PIEZO1: variants seen among roughly 807,000 people sequenced by gnomAD.
PIEZO1 encodes the protein piezo type mechanosensitive ion channel component 1 (Er blood group).
A neutral mutation model predicts 297.2 loss-of-function variants in PIEZO1; 296 were observed. The ratio of observed to expected loss-of-function variants is 1.00; its 90% CI spans 0.91 to 1.10. The LOEUF (loss-of-function observed/expected upper bound fraction) is 1.10. PIEZO1 is among the 50% of genes least tolerant of loss of function. The pLI, the probability that PIEZO1 is intolerant of heterozygous loss-of-function variation, is 0.00. For synonymous variants in PIEZO1, 2,427 were observed against 1,507.5 expected (o/e 1.61, Z -14.13); for missense variants, 5,018 against 3,455.5 (o/e 1.45, Z -11.34).
At chr16:88,780,741 G>A (rs550381837) in intron 1 of PIEZO1, among the ~76,000 whole-genome samples, 5 of 152,286 alleles carry the variant, frequency 3.3e-5, no homozygotes, top group South Asian at 2.1e-4. Context: ...CGGGCAGATC[G>A]CTTAAGGTCA....
At position 88,733,273 on chromosome 16, in the gene PIEZO1, G is replaced by A. The variant is rs952528721; in HGVS notation, c.2664+5C>T. 73 of 1,537,022 alleles carry A rather than the reference G, an allele frequency of 4.7e-5. No homozygotes were observed. Among genetic ancestry groups the A allele is most frequent in the Admixed American group, 4.7e-4 (24 of 50,734 alleles). ...CCTCCCGTCCCAGCCCTCGGGGGCCGGTACCTCGGTGCAGTTGCTGGAATA... is the reference window on the plus strand; with the variant it reads ...CCTCCCGTCCCAGCCCTCGGGGGCCAGTACCTCGGTGCAGTTGCTGGAATA... On this transcript the variant is annotated splice_donor_5th_base_variant and intron_variant, in intron 19 of 50. Transcript: ENST00000301015.
chr16:88,724,720 C>T (rs926158366), intron 30 of PIEZO1, among the ~76,000 whole-genome samples: 1 of 152,144 alleles, frequency 6.6e-6, no homozygotes, highest in African/African-American at 2.4e-5. Flanking sequence ...CAGAATAACG[C>T]AGTGCTGCTG....
chr16:88,761,518 G>A (rs1906930836), intron 1 of PIEZO1, among the ~76,000 whole-genome samples: 1 of 152,212 alleles, frequency 6.6e-6, no homozygotes, highest in Admixed American at 6.5e-5. Context: ...CCATGGCAAT[G>A]GTTGTGCTTG....
intron 1 of PIEZO1, among the ~76,000 whole-genome samples, chr16:88,764,614 G>A (rs931817975): frequency 6.6e-6 from 1 of 151,926 alleles, no homozygotes; most frequent in Non-Finnish European, 1.5e-5. Context: ...AGCCGGGCAT[G>A]GTGGCACGTA....
At chr16:88,749,545 C>A in intron 1 of PIEZO1, 66 bp from the exon 2 acceptor site, 4 of 1,206,900 alleles carry the variant, frequency 3.3e-6, no homozygotes, top group Non-Finnish European at 4.6e-6. Flanking sequence ...CAGAGGACAG[C>A]GCACCCACGG....
chr16:88,736,747 T>TG lies in PIEZO1; in HGVS notation c.1196-9dup. ...CAGCCCGCTTGGGCCGCACTGCAGG[T>TG]GGGGACAGCGGTCAGCTTCGGCAGG... On this transcript the variant is annotated splice_polypyrimidine_tract_variant and intron_variant, in intron 10 of 50. Transcript: ENST00000301015. The TG allele has an allele frequency of 1.3e-6, 2 of 1,510,034 alleles. No homozygotes were observed. The highest frequency in any genetic ancestry group is 1.8e-6 in the Non-Finnish European group (2 of 1,129,062). The allele number at this position is 1,510,034 out of a possible 1,614,324, so 93.5% of individuals were successfully genotyped here.
At position 88,720,616 on chromosome 16, in the gene PIEZO1, A is replaced by T. The variant is rs1046228013; in HGVS notation, c.5801T>A (p.Leu1934Gln). The T allele has an allele frequency of 1.6e-4, 253 of 1,539,948 alleles. No individual in the cohort carries two copies. Among genetic ancestry groups the T allele is most frequent in the Non-Finnish European group, 1.8e-4 (207 of 1,144,098 alleles). ...GRRLQGFCLSLAQGTYRPLRR... is the reference protein window; with the variant it reads ...GRRLQGFCLSQAQGTYRPLRR... ...GCTGCCCCCGGCCGCCATCACTCACAGGGACAGGCAGAAGCCCTGCAGCCG... is the reference window on the plus strand; with the variant it reads ...GCTGCCCCCGGCCGCCATCACTCACTGGGACAGGCAGAAGCCCTGCAGCCG... Residue 1934 changes from leucine (L) to glutamine (Q), a missense_variant and splice_region_variant, in exon 40 of 51, where the codon CTG (leucine) becomes CAG (glutamine). Coordinates refer to ENST00000301015, the MANE Select transcript of PIEZO1 (RefSeq NM_001142864.4).
At chr16:88,743,112 A>G (rs1424195726) in intron 2 of PIEZO1, 1 of 456,544 alleles carries the variant, frequency 2.2e-6, no homozygotes, top group Admixed American at 2.3e-5. Context: ...GTTGCCTGGC[A>G]GCCTTGTCCT....
intron 1 of PIEZO1, among the ~76,000 whole-genome samples, chr16:88,776,168 C>G (rs985142607): frequency 1.3e-5 from 2 of 152,260 alleles, no homozygotes; most frequent in Non-Finnish European, 2.9e-5. Context: ...GGCGCGGTGG[C>G]TCACGCCTGT....
chr16:88,735,442 C>G (rs906701028), intron 12 of PIEZO1, among the ~76,000 whole-genome samples, 196 bp from the exon 13 acceptor site: 2 of 152,292 alleles, frequency 1.3e-5, no homozygotes, highest in Non-Finnish European at 2.9e-5. Flanking sequence ...CACACACTCT[C>G]ACATCCATGG....
chr16:88,777,773 G>A (rs1196216255), intron 1 of PIEZO1, among the ~76,000 whole-genome samples: 1 of 152,234 alleles, frequency 6.6e-6, no homozygotes, highest in Non-Finnish European at 1.5e-5. Flanking sequence ...AGGCCTTGGG[G>A]GGTCCAGGAG....
chr16:88,720,833 T>G (rs1912387530), intron 39 of PIEZO1, 85 bp from the exon 40 acceptor site: 1 of 1,370,900 alleles, frequency 7.3e-7, no homozygotes, highest in Non-Finnish European at 9.6e-7. Context: ...AGGCTGGCAT[T>G]CTCCCTGTTT....
At chr16:88,731,931 G>C (rs758574762) in intron 21 of PIEZO1, 21 bp from the exon 22 acceptor site, 7 of 1,473,136 alleles carry the variant, frequency 4.8e-6, no homozygotes, top group Non-Finnish European at 1.8e-6. Context: ...GAGAGGGCGG[G>C]GTGTGGGGAT....
rs1057157790 is a variant in PIEZO1, at chr16:88,764,937, G to C, written c.65-15458C>G. ...AGAGGCAACAAGGGCTTCCTAAGAAGCCTGGCCATTGAAAACCTCCCGGTA... is the reference window on the plus strand; with the variant it reads ...AGAGGCAACAAGGGCTTCCTAAGAACCCTGGCCATTGAAAACCTCCCGGTA... On this transcript the variant is annotated intron_variant, in intron 1 of 50. Coordinates refer to ENST00000301015, the MANE Select transcript of PIEZO1 (RefSeq NM_001142864.4). Among the ~76,000 whole-genome samples the C allele has an allele frequency of 3.9e-5, 6 of 152,242 alleles. No homozygotes were observed. The East Asian group carries it at 1.2e-3, about 29-fold the overall frequency.
At chr16:88,728,546 G>A (rs1385150898) in intron 22 of PIEZO1, among the ~76,000 whole-genome samples, 13 of 122,912 alleles carry the variant, frequency 1.1e-4, no homozygotes, top group East Asian at 3.9e-4. Context: ...AGGGAACCTC[G>A]CGACCCAAAA....
Position 88,723,082 on chromosome 16 carries a change from C to CG in PIEZO1, c.4495+12dup, listed in dbSNP as rs1567663269. On this transcript the variant is annotated intron_variant, in intron 33 of 50. Coordinates refer to ENST00000301015, the MANE Select transcript of PIEZO1 (RefSeq NM_001142864.4). ...AGAGAGACCTCCCACTCCCCAGCCC[C>CG]GGGCCCACGTACCTGCCGCTGCCTC... 4 of 1,546,878 alleles carry CG rather than the reference C, an allele frequency of 2.6e-6. No homozygotes were observed. Among genetic ancestry groups the CG allele is most frequent in the African/African-American group, 1.4e-5 (1 of 73,018 alleles).
Position 88,738,284 on chromosome 16 carries a change from T to G in PIEZO1, c.791A>C (p.Tyr264Ser), listed in dbSNP as rs1905389470. The G allele has an allele frequency of 6.5e-7, 1 of 1,535,652 alleles. No homozygotes were observed. Among genetic ancestry groups the G allele is most frequent in the Non-Finnish European group, 8.7e-7 (1 of 1,146,836 alleles). ...CTGTGCCAAGGGCATCTGGTAGCAG[T>G]AGAGGCAGATGAGATGGCCGGCGCC... ...CFGAGHLICL[Y>S]CYQMPLAQAL... The change falls in exon 7 of 51, where the codon TAC (tyrosine) becomes TCC (serine). Residue 264 changes from tyrosine (Y) to serine (S), a missense_variant. Tyr to Ser is a moderately radical substitution (Grantham distance 144). Coordinates refer to ENST00000301015, the MANE Select transcript of PIEZO1 (RefSeq NM_001142864.4).
chr16:88,715,673 A>ACAACT lies in PIEZO1; in HGVS notation c.7493_7497dup (p.Tyr2500SerfsTer16), dbSNP rs1555551738. 6.5e-7 allele frequency: 1 copy of ACAACT among 1,550,224 alleles called. No homozygotes were observed. The highest frequency in any genetic ancestry group is 8.7e-7 in the Non-Finnish European group (1 of 1,146,964). Reference sequence around the variant, plus strand: ...CGGTAGAGGAAGATGAGCTTGGCGTACAACTCCTCCTCCAGCTCCAGCTCC... The same window carrying ACAACT: ...CGGTAGAGGAAGATGAGCTTGGCGTACAACTCAACTCCTCCTCCAGCTCCAGCTCC... On this transcript the variant is annotated frameshift_variant, in exon 51 of 51. Transcript: ENST00000301015. LOFTEE classifies it high-confidence loss of function.
chr16:88,774,318 G>C (rs1447969984), intron 1 of PIEZO1, among the ~76,000 whole-genome samples: 1 of 152,246 alleles, frequency 6.6e-6, no homozygotes, highest in Non-Finnish European at 1.5e-5. Flanking sequence ...TTGAACCCGG[G>C]AGGCGGAGTT....
Sources: gnomAD v4.1 joint callset for allele counts (sites outside exome capture counted in the v4.1 genomes callset) on GRCh38, gnomAD v4.1.1 for gene constraint, MANE v1.5 for transcripts, NCBI Gene and HGNC (gene_info 2026-07-23, HGNC 2026-07-21) for gene names.